Variants in PCDH15 observed in about 807,000 individuals in gnomAD.
PCDH15 encodes protocadherin-15.
In PCDH15, 129 loss-of-function variants were observed where a neutral mutation model predicts 178.5. The ratio of observed to expected loss-of-function variants is 0.72; its 90% CI spans 0.63 to 0.84. The LOEUF (loss-of-function observed/expected upper bound fraction) is 0.84. PCDH15 is among the 40% of genes least tolerant of loss of function. PCDH15 has a pLI of 0.00. For synonymous variants in PCDH15, 800 were observed against 732.0 expected (o/e 1.09, Z -1.50); for missense variants, 2,230 against 2,099.9 (o/e 1.06, Z -1.21).
At chr10:54,051,193 G>T (rs557405986) in intron 18 of PCDH15, among the ~76,000 whole-genome samples, 1 of 152,128 alleles carries the variant, frequency 6.6e-6, no homozygotes, top group Admixed American at 6.6e-5. Context: ...CAGAAAGTAG[G>T]GTTGCTGTAA....
intron 3 of PCDH15, among the ~76,000 whole-genome samples, chr10:54,870,802 A>T (rs1318441879): frequency 2.1e-4 from 2 of 9,610 alleles, no homozygotes; most frequent in Admixed American, 3.8e-3. Context: ...ATAAAAAAAT[A>T]AAAAAATAAA....
intron 1 of PCDH15, among the ~76,000 whole-genome samples, chr10:55,227,392 A>T (rs969000152): frequency 6.6e-6 from 1 of 152,146 alleles, no homozygotes; most frequent in Non-Finnish European, 1.5e-5. Flanking sequence ...ACATACCTCA[A>T]TTAAGAACAA....
At chr10:55,446,627 T>C (rs1817665083) in intron 2 of PCDH15, among the ~76,000 whole-genome samples, 1 of 152,124 alleles carries the variant, frequency 6.6e-6, no homozygotes, top group South Asian at 2.1e-4. Context: ...CTTGCGATGG[T>C]CTCATCATGG....
intron 2 of PCDH15, among the ~76,000 whole-genome samples, chr10:55,055,195 G>A (rs1394927491): frequency 6.6e-6 from 1 of 152,126 alleles, no homozygotes; most frequent in Admixed American, 6.5e-5. Flanking sequence ...TGTATATGGT[G>A]TACGAAAGGG....
chr10:54,447,019 C>G lies in PCDH15; in HGVS notation c.158-68077G>C, dbSNP rs1040616580. Among the ~76,000 whole-genome samples the G allele has an allele frequency of 3.3e-5, 5 of 151,612 alleles. No homozygotes were observed. The Admixed American group carries it at 3.3e-4, about 10-fold the overall frequency. On this transcript the variant is annotated intron_variant, in intron 3 of 37. Transcript: ENST00000644397. ...ATTGGTTCCCTAAAACTCCCCCTCT[C>G]TTACTCTCTGGCTGCAAACAAACCT...
chr10:54,276,102 T>C (rs564049179), intron 8 of PCDH15, among the ~76,000 whole-genome samples: 1 of 151,690 alleles, frequency 6.6e-6, no homozygotes, highest in Admixed American at 6.6e-5. Flanking sequence ...AAGACTTCTT[T>C]AAAAAGACAC....
chr10:55,068,049 G>A (rs570847573), intron 2 of PCDH15, among the ~76,000 whole-genome samples: 8 of 152,000 alleles, frequency 5.3e-5, no homozygotes, highest in Non-Finnish European at 8.8e-5. Flanking sequence ...TGTCTCTACA[G>A]TCTGTTAGTT....
chr10:53,954,674 G>T (rs574687519), intron 23 of PCDH15, among the ~76,000 whole-genome samples: 1 of 152,256 alleles, frequency 6.6e-6, no homozygotes, highest in East Asian at 1.9e-4. Flanking sequence ...TTAGCTTGAA[G>T]TCCAGAAAGG....
At chr10:53,958,636 A>T (rs1221527046) in intron 23 of PCDH15, among the ~76,000 whole-genome samples, 1 of 152,150 alleles carries the variant, frequency 6.6e-6, no homozygotes, top group African/African-American at 2.4e-5. Context: ...GACCATGCAG[A>T]CACCCTGGTC....
At chr10:55,592,439 C>G (rs1842861170) in intron 2 of PCDH15, among the ~76,000 whole-genome samples, 1 of 152,166 alleles carries the variant, frequency 6.6e-6, no homozygotes. Context: ...AAAGATCCAG[C>G]CAGGCAGCTC....
chr10:54,070,954 C>G (rs369503988), intron 17 of PCDH15, among the ~76,000 whole-genome samples: 9 of 151,946 alleles, frequency 5.9e-5, no homozygotes, highest in African/African-American at 2.2e-4. Flanking sequence ...AGTTATAAAG[C>G]CATAGTCAAA....
chr10:55,130,583 G>A (rs980429139), intron 2 of PCDH15, among the ~76,000 whole-genome samples: 1 of 151,930 alleles, frequency 6.6e-6, no homozygotes, highest in African/African-American at 2.4e-5. Context: ...GTAAGTCAAT[G>A]TCTACTCATA....
At chr10:55,499,452 C>CACAA (rs1840607520) in intron 2 of PCDH15, among the ~76,000 whole-genome samples, 1 of 134,974 alleles carries the variant, frequency 7.4e-6, no homozygotes, top group African/African-American at 2.8e-5. Context: ...CACACACACA[C>CACAA]AAATAATGTT....
At chr10:53,846,798 CT>C (rs1283701106) in intron 28 of PCDH15, among the ~76,000 whole-genome samples, 2 of 151,880 alleles carry the variant, frequency 1.3e-5, no homozygotes, top group Admixed American at 1.3e-4. Flanking sequence ...GTTGATTTAG[CT>C]TTTTATTTAT....
At chr10:54,088,388 C>T (rs1590341723) in intron 16 of PCDH15, among the ~76,000 whole-genome samples, 1 of 152,050 alleles carries the variant, frequency 6.6e-6, no homozygotes, top group Non-Finnish European at 1.5e-5. Context: ...AAATATTTTG[C>T]CCATTTTAAT....
At chr10:54,903,974 A>G (rs1370845998) in intron 2 of PCDH15, among the ~76,000 whole-genome samples, 1 of 152,050 alleles carries the variant, frequency 6.6e-6, no homozygotes, top group Admixed American at 6.6e-5. Flanking sequence ...ATGACATATT[A>G]TTACTATTAT....
intron 2 of PCDH15, among the ~76,000 whole-genome samples, chr10:54,970,239 T>G (rs763808197): frequency 6.6e-6 from 1 of 152,194 alleles, no homozygotes; most frequent in Non-Finnish European, 1.5e-5. Flanking sequence ...AATTTCTGTT[T>G]ATATAAATTA....
chr10:54,937,980 T>G (rs905440295), intron 2 of PCDH15, among the ~76,000 whole-genome samples: 1 of 152,082 alleles, frequency 6.6e-6, no homozygotes, highest in Non-Finnish European at 1.5e-5. Flanking sequence ...CTCTTAGTTT[T>G]CCATTGTTGT....
chr10:54,782,595 A>AT (rs1479707210), intron 1 of PCDH15, among the ~76,000 whole-genome samples: 3 of 151,970 alleles, frequency 2.0e-5, no homozygotes, highest in African/African-American at 7.2e-5. Context: ...CTTCAGGCTG[A>AT]TTTTTTTGCT....
Sources: allele counts gnomAD v4.1 joint callset (sites outside exome capture counted in the v4.1 genomes callset), GRCh38; gene constraint gnomAD v4.1.1; transcripts MANE v1.5; gene names NCBI Gene and HGNC (gene_info 2026-07-23, HGNC 2026-07-21).